The following ADK variants were observed in gnomAD, a reference collection of about 807,000 sequenced individuals.
ADK encodes the protein N6,N6-dimethyladenosine kinase.
Under a neutral mutation model 44.7 loss-of-function variants are expected in ADK, and 24 were observed. That is an observed-to-expected ratio of 0.54 (90% CI 0.39 to 0.76). The LOEUF (loss-of-function observed/expected upper bound fraction) is 0.76, where lower values mean the gene tolerates loss of function less well. Ranked by LOEUF, ADK falls within the 30% of genes least tolerant of loss-of-function variation. ADK has a pLI of 0.00. For missense variants in ADK, 321 were observed against 425.1 expected (o/e 0.76, Z 2.15); for synonymous variants, 128 against 142.6 (o/e 0.90, Z 0.73).
intron 9 of ADK, among the ~76,000 whole-genome samples, chr10:74,623,034 A>G (rs1170801918): frequency 6.6e-6 from 1 of 152,142 alleles, no homozygotes; most frequent in Non-Finnish European, 1.5e-5. Flanking sequence ...AAACAAAAAA[A>G]GAACCCGGCT....
At chr10:74,410,746 G>T (rs1844146562) in intron 6 of ADK, among the ~76,000 whole-genome samples, 1 of 151,978 alleles carries the variant, frequency 6.6e-6, no homozygotes, top group Non-Finnish European at 1.5e-5. Context: ...TTCGACCATG[G>T]AACAAGCCTT....
At chr10:74,320,619 G>T (rs992827597) in intron 4 of ADK, among the ~76,000 whole-genome samples, 2 of 151,600 alleles carry the variant, frequency 1.3e-5, no homozygotes, top group Admixed American at 6.6e-5. Flanking sequence ...TTAATATGTT[G>T]GTCTGTGGTG....
At chr10:74,699,253 TA>T (rs992187017) in intron 10 of ADK, among the ~76,000 whole-genome samples, 1 of 151,308 alleles carries the variant, frequency 6.6e-6, no homozygotes, top group African/African-American at 2.4e-5. Context: ...AATGAAATAT[TA>T]AAAAGTACTT....
At position 74,309,704 on chromosome 10, in the gene ADK, TGAAAA is replaced by T. The variant is rs1043321960; in HGVS notation, c.195-4957_195-4953del. Among the ~76,000 whole-genome samples, 15 of 143,466 alleles carry T rather than the reference TGAAAA, an allele frequency of 1.0e-4. 2 individuals carry two copies. Among genetic ancestry groups the T allele is most frequent in the African/African-American group, 3.4e-4 (13 of 38,750 alleles). The allele number at this position is 143,466 out of a possible 152,430, so 94.1% of individuals were successfully genotyped here. On this transcript the variant is annotated intron_variant, in intron 3 of 10. Transcript: ENST00000539909. Reference sequence around the variant, plus strand: ...GATCAGTAACAAACACCATCACTCTTGAAAAGAAAAAGTCCAACAGAGGTCCTAGA... The same window carrying T: ...GATCAGTAACAAACACCATCACTCTTGAAAAAGTCCAACAGAGGTCCTAGA...
intron 1 of ADK, among the ~76,000 whole-genome samples, chr10:74,156,438 G>A (rs954392916): frequency 2.0e-5 from 3 of 152,162 alleles, no homozygotes; most frequent in African/African-American, 7.2e-5. Context: ...GGGCAACATA[G>A]TGAGACCCTA....
intron 1 of ADK, among the ~76,000 whole-genome samples, chr10:74,195,733 A>G (rs1422601695): frequency 1.1e-5 from 1 of 87,704 alleles, no homozygotes; most frequent in South Asian, 3.5e-4. Flanking sequence ...TTTTTGAGGT[A>G]GTAGCATACT....
At chr10:74,208,228 G>A (rs1489496446) in intron 2 of ADK, among the ~76,000 whole-genome samples, 6 of 152,266 alleles carry the variant, frequency 3.9e-5, no homozygotes, top group African/African-American at 1.2e-4. Context: ...CCATGGCTGG[G>A]TGGCTGCAGC....
chr10:74,441,414 A>T (rs1564724149), intron 6 of ADK, among the ~76,000 whole-genome samples: 1 of 152,230 alleles, frequency 6.6e-6, no homozygotes, highest in African/African-American at 2.4e-5. Context: ...GAAAAATGAA[A>T]ACCTGTGTTT....
In ADK at chr10:74,457,496, T is replaced by G. The variant is rs557068055; in HGVS notation, c.555+58917T>G. Among the ~76,000 whole-genome samples the G allele has an allele frequency of 2.4e-3, 370 of 152,330 alleles. 3 individuals are homozygous for G. Among genetic ancestry groups the G allele is most frequent in the Non-Finnish European group, 3.5e-3 (238 of 68,024 alleles). ...AGGAACTAGAACCAGAAATACCATT[T>G]GGCCCAGCAATCCCATTACTGGGTA... On this transcript the variant is annotated intron_variant, in intron 6 of 10. Transcript: ENST00000539909.
chr10:74,363,155 C>G (rs537824775), intron 4 of ADK, among the ~76,000 whole-genome samples: 34 of 152,272 alleles, frequency 2.2e-4, no homozygotes, highest in African/African-American at 7.7e-4. Flanking sequence ...AAGACTGGGC[C>G]CCTTCAGTAT....
At chr10:74,451,365 C>T (rs116837056) in intron 6 of ADK, among the ~76,000 whole-genome samples, 1,896 of 152,076 alleles carry the variant, frequency 0.012, 41 homozygotes, top group African/African-American at 0.043. Context: ...AGTGTATTTA[C>T]TTTTCCACTT....
intron 4 of ADK, among the ~76,000 whole-genome samples, chr10:74,332,233 G>A (rs1841242910): frequency 6.6e-6 from 1 of 152,196 alleles, no homozygotes; most frequent in African/African-American, 2.4e-5. Context: ...ACTCTATCAA[G>A]GTGATGCTCT....
intron 4 of ADK, among the ~76,000 whole-genome samples, chr10:74,384,853 G>A (rs1208811947): frequency 1.3e-5 from 2 of 152,152 alleles, no homozygotes; most frequent in African/African-American, 4.8e-5. Flanking sequence ...ACTTGGAGAG[G>A]AAGTTAATGG....
chr10:74,482,655 A>G, intron 6 of ADK, among the ~76,000 whole-genome samples: 1 of 152,200 alleles, frequency 6.6e-6, no homozygotes, highest in East Asian at 1.9e-4. Context: ...ACAGTTAGTT[A>G]CTTCCATGAT....
chr10:74,486,561 A>G (rs964601771), intron 6 of ADK, among the ~76,000 whole-genome samples: 1 of 152,190 alleles, frequency 6.6e-6, no homozygotes, highest in African/African-American at 2.4e-5. Flanking sequence ...TTTATAATGA[A>G]TATGTACTTT....
At chr10:74,420,793 ACAGTTTTAGGTTTT>A (rs1844529928) in intron 6 of ADK, among the ~76,000 whole-genome samples, 1 of 152,098 alleles carries the variant, frequency 6.6e-6, no homozygotes, top group Non-Finnish European at 1.5e-5. Context: ...AACTCTTCTG[ACAGTTTTAGGTTTT>A]ATTCTGTGAA....
At chr10:74,485,321 G>A (rs536057015) in intron 6 of ADK, among the ~76,000 whole-genome samples, 6 of 152,088 alleles carry the variant, frequency 3.9e-5, no homozygotes, top group African/African-American at 1.2e-4. Flanking sequence ...CATTAGCCGG[G>A]CATGGTGGCA....
intron 2 of ADK, among the ~76,000 whole-genome samples, chr10:74,213,987 C>T (rs2132202431): frequency 6.6e-6 from 1 of 152,146 alleles, no homozygotes; most frequent in Non-Finnish European, 1.5e-5. Flanking sequence ...AAATAAAAAG[C>T]ATAAGAAAAA....
Position 74,352,395 on chromosome 10 carries a change from A to C in ADK, c.273+37650A>C, listed in dbSNP as rs185608307. Among the ~76,000 whole-genome samples the C allele has an allele frequency of 1.1e-4, 16 of 152,302 alleles. No homozygotes were observed. In the East Asian group the frequency reaches 3.1e-3, roughly 29 times the overall value. ...ATATGCAGAAAATTGAACCTGGATC[A>C]CTGCCTTACACATTATACAAAAAGT... On this transcript the variant is annotated intron_variant, in intron 4 of 10. Transcript: ENST00000539909.
Sources: gnomAD v4.1 joint callset for allele counts (sites outside exome capture counted in the v4.1 genomes callset) on GRCh38, gnomAD v4.1.1 for gene constraint, MANE v1.5 for transcripts, NCBI Gene and HGNC (gene_info 2026-07-23, HGNC 2026-07-21) for gene names.